DLG2: variants seen among roughly 807,000 people sequenced by gnomAD.
DLG2 encodes the protein disks large homolog 2.
In DLG2, 45 loss-of-function variants were observed where a neutral mutation model predicts 132.5. That is an observed-to-expected ratio of 0.34 (90% CI 0.27 to 0.44). The LOEUF (loss-of-function observed/expected upper bound fraction) is 0.44, where lower values mean the gene tolerates loss of function less well. DLG2 is among the 20% of genes least tolerant of loss of function. DLG2 has a pLI of 1.00. For synonymous variants in DLG2, 424 were observed against 419.6 expected (o/e 1.01, Z -0.13); for missense variants, 1,045 against 1,196.9 (o/e 0.87, Z 1.87).
intron 7 of DLG2, among the ~76,000 whole-genome samples, chr11:84,399,060 C>T (rs968526897): frequency 3.3e-5 from 5 of 152,118 alleles, no homozygotes; most frequent in African/African-American, 1.2e-4. Context: ...ATGAAGGAAT[C>T]ATTAACAATT....
intron 7 of DLG2, among the ~76,000 whole-genome samples, chr11:84,503,966 T>C (rs967958055): frequency 6.6e-6 from 1 of 152,186 alleles, no homozygotes; most frequent in Non-Finnish European, 1.5e-5. Context: ...TGAATTGGAG[T>C]GTGACTTTGA....
intron 4 of DLG2, among the ~76,000 whole-genome samples, chr11:85,192,030 C>T (rs1432581722): frequency 6.6e-6 from 1 of 152,050 alleles, no homozygotes; most frequent in Non-Finnish European, 1.5e-5. Flanking sequence ...GCAAAATTTA[C>T]ATAAATAGAA....
intron 5 of DLG2, among the ~76,000 whole-genome samples, chr11:85,151,511 T>A (rs2077249746): frequency 6.6e-6 from 1 of 152,184 alleles, no homozygotes; most frequent in African/African-American, 2.4e-5. Context: ...CTGTAGGCAT[T>A]ATAGAGTTTA....
intron 3 of DLG2, among the ~76,000 whole-genome samples, chr11:85,491,844 T>A (rs549961339): frequency 2.2e-4 from 33 of 152,022 alleles, no homozygotes; most frequent in Non-Finnish European, 4.3e-4. Flanking sequence ...ATAGAGACAA[T>A]GCAATCACTG....
intron 6 of DLG2, among the ~76,000 whole-genome samples, chr11:84,984,394 G>A (rs1327671766): frequency 6.6e-6 from 1 of 152,144 alleles, no homozygotes; most frequent in Non-Finnish European, 1.5e-5. Flanking sequence ...TTTCATAAAT[G>A]AAGGAAACAT....
chr11:83,575,722 C>T (rs2096863685), intron 19 of DLG2, among the ~76,000 whole-genome samples: 1 of 152,194 alleles, frequency 6.6e-6, no homozygotes, highest in South Asian at 2.1e-4. Context: ...CATAATTACC[C>T]CTAAATGCTG....
intron 3 of DLG2, among the ~76,000 whole-genome samples, chr11:85,354,933 CAG>C (rs1002331808): frequency 1.3e-5 from 2 of 151,290 alleles, no homozygotes; most frequent in African/African-American, 4.9e-5. Context: ...AAAAAAAAAA[CAG>C]ATAACATTTC....
chr11:85,499,734 A>C (rs1383341169), intron 3 of DLG2, among the ~76,000 whole-genome samples: 2 of 152,172 alleles, frequency 1.3e-5, no homozygotes, highest in Admixed American at 1.3e-4. Context: ...AGCACAAAAA[A>C]CAGCCTATCC....
At chr11:83,514,366 T>C (rs2095199134) in intron 21 of DLG2, among the ~76,000 whole-genome samples, 1 of 152,218 alleles carries the variant, frequency 6.6e-6, no homozygotes, top group Non-Finnish European at 1.5e-5. Flanking sequence ...TTGTGATTTT[T>C]GTACATTGAT....
At chr11:84,118,555 C>T (rs1205867410) in intron 9 of DLG2, among the ~76,000 whole-genome samples, 4 of 152,182 alleles carry the variant, frequency 2.6e-5, no homozygotes, top group Non-Finnish European at 2.9e-5. Flanking sequence ...CAATTCTCAA[C>T]ATCAATTCTA....
At chr11:83,764,464 G>A (rs1313571535) in intron 18 of DLG2, among the ~76,000 whole-genome samples, 1 of 152,254 alleles carries the variant, frequency 6.6e-6, no homozygotes, top group Non-Finnish European at 1.5e-5. Context: ...AAAGGGGTGT[G>A]CAGGGAAGGG....
intron 8 of DLG2, among the ~76,000 whole-genome samples, chr11:84,200,915 C>G (rs996811077): frequency 6.6e-6 from 1 of 152,164 alleles, no homozygotes; most frequent in African/African-American, 2.4e-5. Flanking sequence ...GACTTCCTCT[C>G]TTTCTACTTG....
At chr11:83,733,844 TG>T (rs2091442409) in intron 18 of DLG2, among the ~76,000 whole-genome samples, 1 of 152,240 alleles carries the variant, frequency 6.6e-6, no homozygotes, top group Non-Finnish European at 1.5e-5. Flanking sequence ...TGGAGAAGTC[TG>T]GGCTTTTAGT....
chr11:84,013,735 T>A (rs2095017551), intron 11 of DLG2, among the ~76,000 whole-genome samples: 1 of 151,654 alleles, frequency 6.6e-6, no homozygotes, highest in Non-Finnish European at 1.5e-5. Context: ...GGTATGGTGG[T>A]GCACGCCTGT....
rs1164394816 is a variant in DLG2, at chr11:85,209,445, CT to C, written c.187-54795del. Reference sequence around the variant, plus strand: ...AACTTATGGGCACAAAGAAATCAGTCTTTTTTTTTTTTTTTTTTTTTTGAGA... The same window carrying C: ...AACTTATGGGCACAAAGAAATCAGTCTTTTTTTTTTTTTTTTTTTTTGAGA... On this transcript the variant is annotated intron_variant, in intron 4 of 27. Transcript: ENST00000376104. Among the ~76,000 whole-genome samples, 139 of 74,446 alleles carry C rather than the reference CT, an allele frequency of 1.9e-3. 3 individuals carry two copies. The East Asian group carries it at 0.022, about 12-fold the overall frequency. 48.8% of individuals were successfully genotyped at this position (74,446 alleles called of 152,430 possible).
intron 15 of DLG2, among the ~76,000 whole-genome samples, chr11:83,881,320 T>G (rs1227250745): frequency 6.6e-6 from 1 of 152,214 alleles, no homozygotes; most frequent in Non-Finnish European, 1.5e-5. Context: ...ATCTATCATG[T>G]ACTTACACAT....
intron 3 of DLG2, among the ~76,000 whole-genome samples, chr11:85,516,700 T>C (rs1256194465): frequency 6.6e-6 from 1 of 151,896 alleles, no homozygotes; most frequent in South Asian, 2.1e-4. Flanking sequence ...CCTGAACACA[T>C]AGAACCTTCC....
chr11:84,121,851 G>A (rs563058577), intron 9 of DLG2, among the ~76,000 whole-genome samples: 2 of 151,470 alleles, frequency 1.3e-5, no homozygotes, highest in Admixed American at 6.6e-5. Context: ...TTGAGCCACC[G>A]CGCCCAGCCT....
chr11:84,928,689 G>C (rs1591431882), intron 6 of DLG2, among the ~76,000 whole-genome samples: 1 of 151,698 alleles, frequency 6.6e-6, no homozygotes, highest in South Asian at 2.1e-4. Flanking sequence ...TATAAACCCT[G>C]AATCAATTTA....
Sources: allele counts gnomAD v4.1 joint callset (sites outside exome capture counted in the v4.1 genomes callset), GRCh38; gene constraint gnomAD v4.1.1; transcripts MANE v1.5; gene names NCBI Gene and HGNC (gene_info 2026-07-23, HGNC 2026-07-21).